The following ATP8B4 variants were observed in gnomAD, a reference collection of about 807,000 sequenced individuals.
ATP8B4 encodes probable phospholipid-transporting ATPase IM.
ATP8B4 carries 133 observed loss-of-function variants against 145.6 expected under a neutral mutation model. That is an observed-to-expected ratio of 0.91 (90% CI 0.79 to 1.05). The LOEUF (loss-of-function observed/expected upper bound fraction) is 1.05. Ranked by LOEUF, ATP8B4 falls within the 50% of genes least tolerant of loss-of-function variation. The probability of loss-of-function intolerance (pLI) is 0.00; values close to 1 mark genes in which losing one functional copy is unlikely to be tolerated. For synonymous variants in ATP8B4, 507 were observed against 492.9 expected (o/e 1.03, Z -0.38); for missense variants, 1,458 against 1,425.2 (o/e 1.02, Z -0.37).
In ATP8B4 at chr15:50,047,420, C is replaced by T; in HGVS notation, c.132G>A (p.Leu44=). 6.3e-7 allele frequency: 1 copy of T among 1,598,978 alleles called. No homozygotes were observed. Among genetic ancestry groups the T allele is most frequent in the Non-Finnish European group, 8.6e-7 (1 of 1,166,542 alleles). ...HTSKYNILTF[L]PINLFEQFQR... is the part of the protein sequence containing the mutation. ...GGAACTGTTCAAATAAATTAATTGG[C>T]AAGAAGGTGAGAATATTATATTTCG... The change falls in exon 4 of 28, where the codon TTG becomes TTA. Residue 44 remains leucine (L), a synonymous_variant. Coordinates refer to ENST00000284509, the MANE Select transcript of ATP8B4 (RefSeq NM_024837.4).
At chr15:50,111,838 C>G (rs187833240) in intron 1 of ATP8B4, among the ~76,000 whole-genome samples, 21 of 152,218 alleles carry the variant, frequency 1.4e-4, no homozygotes, top group South Asian at 4.1e-4. Context: ...ATGAGGACAG[C>G]GAGTGTAACT....
intron 17 of ATP8B4, 41 bp from the exon 18 acceptor site, chr15:49,920,451 A>G (rs751741251): frequency 6.4e-7 from 1 of 1,553,200 alleles, no homozygotes; most frequent in Non-Finnish European, 8.7e-7. Context: ...TCAAAGAAAC[A>G]ATAAGCACAG....
chr15:49,942,824 CA>C (rs1567042362), intron 14 of ATP8B4, among the ~76,000 whole-genome samples: 1 of 150,684 alleles, frequency 6.6e-6, no homozygotes, highest in Non-Finnish European at 1.5e-5. Flanking sequence ...GACTCCATCT[CA>C]AAAAAATAAA....
chr15:50,161,686 T>A lies in ATP8B4; in HGVS notation c.-43+20575A>T, dbSNP rs180830066. Among the ~76,000 whole-genome samples, 733 of 152,276 alleles carry A rather than the reference T, an allele frequency of 4.8e-3. 6 individuals are homozygous for A. Among genetic ancestry groups the A allele is most frequent in the Non-Finnish European group, 3.9e-3 (266 of 67,982 alleles). On this transcript the variant is annotated intron_variant, in intron 1 of 3. Coordinates refer to the ATP8B4 transcript ENST00000558829. ...CTATATCCCCCACTTTTTACCTTTT[T>A]GTTTTTTCTATTTATATCTTATTGT...
At chr15:49,961,451 A>T (rs2044068586) in intron 14 of ATP8B4, among the ~76,000 whole-genome samples, 3 of 152,194 alleles carry the variant, frequency 2.0e-5, no homozygotes, top group African/African-American at 7.2e-5. Context: ...CTAGAAACAG[A>T]TTCTATATTC....
intron 14 of ATP8B4, among the ~76,000 whole-genome samples, chr15:49,952,736 T>C (rs2043210466): frequency 6.6e-6 from 1 of 152,172 alleles, no homozygotes; most frequent in Non-Finnish European, 1.5e-5. Flanking sequence ...TTCTGCACCC[T>C]TGATGGAGAG....
chr15:50,089,979 T>C (rs12101762), intron 2 of ATP8B4, among the ~76,000 whole-genome samples: 58,385 of 151,968 alleles, frequency 0.38, 11,828 homozygotes, highest in Non-Finnish European at 0.45. Context: ...CCATCAATGA[T>C]AGACTGGATA....
At chr15:50,056,716 TAC>T (rs72305360) in intron 3 of ATP8B4, among the ~76,000 whole-genome samples, 18,569 of 145,666 alleles carry the variant, frequency 0.13, 1,574 homozygotes, top group African/African-American at 0.25. Flanking sequence ...TATATATATA[TAC>T]ACACACACAC....
chr15:50,124,653 T>A (rs559120782), intron 1 of ATP8B4, among the ~76,000 whole-genome samples: 1 of 152,308 alleles, frequency 6.6e-6, no homozygotes, highest in South Asian at 2.1e-4. Context: ...AAATGTCACC[T>A]CTGGGAACCA....
At chr15:49,880,884 G>A (rs377721821) in intron 23 of ATP8B4, among the ~76,000 whole-genome samples, 248 of 151,498 alleles carry the variant, frequency 1.6e-3, no homozygotes, top group African/African-American at 5.6e-3. Flanking sequence ...AGGCCTAGGC[G>A]GGTGGATCAT....
At chr15:49,910,706 G>T (rs1295778904) in intron 20 of ATP8B4, among the ~76,000 whole-genome samples, 1 of 152,148 alleles carries the variant, frequency 6.6e-6, no homozygotes, top group Non-Finnish European at 1.5e-5. Context: ...TCAAAGTGCT[G>T]AAAGACAGTA....
At chr15:49,924,143 C>T (rs1019116783) in intron 16 of ATP8B4, among the ~76,000 whole-genome samples, 27 of 152,204 alleles carry the variant, frequency 1.8e-4, no homozygotes, top group African/African-American at 5.8e-4. Context: ...TTTTAACCTG[C>T]CCCACAGGTT....
In ATP8B4 at chr15:49,996,570, T is replaced by A; in HGVS notation, c.589+107A>T. 4.5e-6 allele frequency: 4 copies of A among 895,852 alleles called. No individual in the cohort carries two copies. In the Admixed American group the frequency reaches 9.6e-5, roughly 21 times the overall value. 55.5% of individuals were successfully genotyped at this position (895,852 alleles called of 1,614,324 possible). A position where few individuals can be genotyped will look rare whatever the true frequency, so the allele number is the denominator to read the frequency against. ...AGGCTTTGATGCCTGGAGAATTTGA[T>A]GTCCTTCCACCAAATAAAAAGAAAC... On this transcript the variant is annotated intron_variant, in intron 9 of 27. Transcript: ENST00000284509.
chr15:50,163,772 C>G (rs1475234286), intron 1 of ATP8B4, among the ~76,000 whole-genome samples: 1 of 152,178 alleles, frequency 6.6e-6, no homozygotes, highest in African/African-American at 2.4e-5. Flanking sequence ...GGAACCAGGA[C>G]CTAAAGTCAG....
rs2032772841 is a variant in ATP8B4 at position 49,866,260 on chromosome 15, C to A, written c.3166+86G>T. ...TGGACAAAGGATCACTAATCATCCC[C>A]AGCTCTACCTAACACAAAAAATAAA... On this transcript the variant is annotated intron_variant, in intron 26 of 27. Coordinates refer to ENST00000284509, the MANE Select transcript of ATP8B4 (RefSeq NM_024837.4). 2.7e-6 allele frequency: 4 copies of A among 1,490,086 alleles called. No homozygotes were observed. The Admixed American group carries it at 6.2e-5, about 23-fold the overall frequency. 92.3% of individuals were successfully genotyped at this position (1,490,086 alleles called of 1,614,324 possible). A position where few individuals can be genotyped will look rare whatever the true frequency, so the allele number is the denominator to read the frequency against.
chr15:50,094,847 C>A (rs1181461792), intron 2 of ATP8B4, among the ~76,000 whole-genome samples: 1 of 151,776 alleles, frequency 6.6e-6, no homozygotes, highest in Non-Finnish European at 1.5e-5. Flanking sequence ...GGTTTTTCTG[C>A]CTTCACTGCG....
At chr15:50,072,991 T>A (rs1346645987) in intron 3 of ATP8B4, among the ~76,000 whole-genome samples, 1 of 25,112 alleles carries the variant, frequency 4.0e-5, no homozygotes, top group African/African-American at 2.3e-4. Flanking sequence ...TATATATATA[T>A]ATATATATAT....
intron 24 of ATP8B4, 70 bp downstream of exon 24, chr15:49,879,306 A>T: frequency 7.3e-7 from 1 of 1,366,218 alleles, no homozygotes; most frequent in Non-Finnish European, 1.0e-6. Flanking sequence ...TGTGTTTTCT[A>T]CTTAGAACCC....
In ATP8B4 at chr15:49,972,744, G is replaced by A. The variant is rs992617847; in HGVS notation, c.1081C>T (p.Arg361Trp). 17 of 1,613,728 alleles carry A rather than the reference G, an allele frequency of 1.1e-5. No individual in the cohort carries two copies. The highest frequency in any genetic ancestry group is 7.7e-5 in the South Asian group (7 of 91,068). ...GCTTTTCGAGAATAATACATCTTCC[G>A]GTCCCAGTTTATAAAATAACTGTGT... ...LGHSYFINWD[R>W]KMYYSRKAIP... Residue 361 changes from arginine (R) to tryptophan (W), a missense_variant, in exon 13 of 28, where the codon CGG becomes TGG. By Grantham distance (101) the Arg-to-Trp change is moderately radical (BLOSUM62 -3). Coordinates refer to ENST00000284509, the MANE Select transcript of ATP8B4 (RefSeq NM_024837.4).
Sources: gnomAD v4.1 joint callset for allele counts (sites outside exome capture counted in the v4.1 genomes callset) on GRCh38, gnomAD v4.1.1 for gene constraint, MANE v1.5 for transcripts, NCBI Gene and HGNC (gene_info 2026-07-23, HGNC 2026-07-21) for gene names.